The following TMEM192 variants were observed in gnomAD, a reference collection of about 807,000 sequenced individuals.
TMEM192 encodes the protein transmembrane protein 192.
TMEM192 carries 20 observed loss-of-function variants against 26.7 expected under a neutral mutation model. The ratio of observed to expected loss-of-function variants is 0.75; its 90% confidence interval spans 0.53 to 1.09. The LOEUF is 1.09. TMEM192 is among the 50% of genes least tolerant of loss of function. The pLI is 0.00. For missense variants in TMEM192, 304 were observed against 322.6 expected, an observed-to-expected ratio of 0.94 and a Z score of 0.44; for synonymous variants, 124 against 121.0, an observed-to-expected ratio of 1.02 and a Z score of -0.16.
At chr4:165,096,230 A>T (rs1037927937) in intron 3 of TMEM192, among the ~76,000 whole-genome samples, 5 of 151,934 alleles carry the variant, frequency 3.3e-5, no homozygotes, top group Admixed American at 3.3e-4. Flanking sequence ...CAACATGGTG[A>T]AGCCTCGTCT....
chr4:165,097,212 A>T (rs557622345), intron 3 of TMEM192, among the ~76,000 whole-genome samples: 19 of 152,242 alleles, frequency 1.2e-4, no homozygotes, highest in African/African-American at 4.6e-4. Flanking sequence ...ATGCACTAAC[A>T]GGCCGGGCGC....
chr4:165,089,447 G>C (rs62352203), intron 3 of TMEM192, among the ~76,000 whole-genome samples: 85 of 151,906 alleles, frequency 5.6e-4, no homozygotes, highest in Admixed American at 2.4e-3. Context: ...TCAGCCTCCC[G>C]AGTAGCTGGG....
Position 165,076,826 on chromosome 4 carries a change from G to A in TMEM192, c.*2832C>T, listed in dbSNP as rs1334762809. On this transcript the variant is annotated 3_prime_UTR_variant, in exon 6 of 6. Transcript: ENST00000306480. Reference sequence around the variant, plus strand: ...TGTTACTTCTTTTTTTTTTGAGATCGAGTCTAGCTCTGTTGCCCAAGCTGG... The same window carrying A: ...TGTTACTTCTTTTTTTTTTGAGATCAAGTCTAGCTCTGTTGCCCAAGCTGG... 4 of 151,296 alleles carry A rather than the reference G, an allele frequency of 2.6e-5. No individual in the cohort carries two copies. The highest frequency in any genetic ancestry group is 2.0e-4 in the Admixed American group (3 of 15,184). 9.4% of individuals were successfully genotyped at this position (151,296 alleles called of 1,614,324 possible).
intron 3 of TMEM192, among the ~76,000 whole-genome samples, chr4:165,090,213 GAAAAAAAA>G (rs35732863): frequency 0.035 from 1,805 of 52,172 alleles, 64 homozygotes; most frequent in African/African-American, 0.12. Context: ...CTCCGTCTTG[GAAAAAAAA>G]AAAAAAAAAA....
rs912749559 is a variant in TMEM192, at chr4:165,071,102, G to A, written c.*8556C>T. 5 of 151,966 alleles carry A rather than the reference G, an allele frequency of 3.3e-5. No homozygotes were observed. The highest frequency in any genetic ancestry group is 4.8e-5 in the African/African-American group (2 of 41,362). 9.4% of individuals were successfully genotyped at this position (151,966 alleles called of 1,614,324 possible). A position where few individuals can be genotyped will look rare whatever the true frequency, so the allele number is the denominator to read the frequency against. On this transcript the variant is annotated 3_prime_UTR_variant, in exon 6 of 6. Transcript: ENST00000306480. ...AGCCACAGATAGTACTAAACCCTAC[G>A]AACACTATATTTTTTCCTATCCACA... is the stretch of plus-strand genomic sequence containing the variant.
At position 165,078,722 on chromosome 4, in the gene TMEM192, G is replaced by C. The variant is rs764950690; in HGVS notation, c.*936C>G. ...GCTGCCAATATAATAGGCAACACAG[G>C]TTCGTCTAACACAGGTCGGTCTAAC... On this transcript the variant is annotated 3_prime_UTR_variant, in exon 6 of 6. Transcript: ENST00000306480. 2.0e-5 allele frequency: 3 copies of C among 152,198 alleles called. No individual in the cohort carries two copies. Among genetic ancestry groups the C allele is most frequent in the Non-Finnish European group, 4.4e-5 (3 of 68,032 alleles). The allele number at this position is 152,198 out of a possible 1,614,324, so 9.4% of individuals were successfully genotyped here.
chr4:165,079,474 C>T lies in TMEM192; in HGVS notation c.*184G>A, dbSNP rs1292232349. On this transcript the variant is annotated 3_prime_UTR_variant, in exon 6 of 6. Transcript: ENST00000306480. ...TATCCGGGCTTCTACAGGTACTTTT[C>T]AAGTGACCCACAAGCCCTATATTTT... 9.2e-6 allele frequency: 5 copies of T among 544,270 alleles called. No individual in the cohort carries two copies. Among genetic ancestry groups the T allele is most frequent in the Non-Finnish European group, 1.5e-5 (5 of 327,180 alleles). The allele number at this position is 544,270 out of a possible 1,614,324, so 33.7% of individuals were successfully genotyped here.
rs1472152358 is a variant in TMEM192 at position 165,079,581 on chromosome 4, G to A, written c.*77C>T. ...TATTCAGCAAAAGCTGCAGTTCCCC[G>A]TGGCAGCTTGTCAGGTGGTCAGTCA... On this transcript the variant is annotated 3_prime_UTR_variant, in exon 6 of 6. Transcript: ENST00000306480. The A allele has an allele frequency of 1.5e-5, 22 of 1,470,652 alleles. No individual in the cohort carries two copies. The highest frequency in any genetic ancestry group is 7.3e-5 in the East Asian group (3 of 41,230). The allele number at this position is 1,470,652 out of a possible 1,614,324, so 91.1% of individuals were successfully genotyped here.
chr4:165,075,620 A>AGTACAGGCTAGT lies in TMEM192; in HGVS notation c.*4037_*4038insACTAGCCTGTAC, dbSNP rs1734359757. Reference sequence around the variant, plus strand: ...GAGCCTGCTCTGTGGCCCAGGCTAGAGTACAGTGGCGTGATCTTGCCTCAC... The same window carrying AGTACAGGCTAGT: ...GAGCCTGCTCTGTGGCCCAGGCTAGAGTACAGGCTAGTGTACAGTGGCGTGATCTTGCCTCAC... On this transcript the variant is annotated 3_prime_UTR_variant, in exon 6 of 6. Transcript: ENST00000306480. The AGTACAGGCTAGT allele has an allele frequency of 6.8e-6, 1 of 146,654 alleles. No individual in the cohort carries two copies. 9.1% of individuals were successfully genotyped at this position (146,654 alleles called of 1,614,324 possible).
chr4:165,090,009 C>T (rs970749441), intron 3 of TMEM192, among the ~76,000 whole-genome samples: 9 of 151,770 alleles, frequency 5.9e-5, no homozygotes, highest in Non-Finnish European at 1.3e-4. Flanking sequence ...GTTGCGAGTT[C>T]GAGACCAGCC....
chr4:165,111,651 G>T (rs1735294789), intron 1 of TMEM192: 1 of 152,056 alleles, frequency 6.6e-6, no homozygotes, highest in African/African-American at 2.4e-5. Context: ...CTACTTACAG[G>T]TCTTACAGTT....
chr4:165,103,402 C>T (rs1578912602), intron 1 of TMEM192, among the ~76,000 whole-genome samples: 2 of 150,956 alleles, frequency 1.3e-5, no homozygotes, highest in East Asian at 1.9e-4. Context: ...TGGAGTGCAG[C>T]GGCGCAATCT....
intron 3 of TMEM192, among the ~76,000 whole-genome samples, chr4:165,100,165 T>TTC (rs1400286800): frequency 4.7e-5 from 7 of 149,346 alleles, no homozygotes; most frequent in Admixed American, 4.0e-4. Context: ...AAAAGTTCTT[T>TTC]TTTTTTTTTT....
rs554817097 is a variant in TMEM192, at chr4:165,072,660, TG to T, written c.*6997del. 6.6e-6 allele frequency: 1 copy of T among 152,322 alleles called. No homozygotes were observed. The highest frequency in any genetic ancestry group is 1.5e-5 in the Non-Finnish European group (1 of 68,130). The allele number at this position is 152,322 out of a possible 1,614,324, so 9.4% of individuals were successfully genotyped here. On this transcript the variant is annotated 3_prime_UTR_variant, in exon 6 of 6. Coordinates refer to ENST00000306480, the MANE Select transcript of TMEM192 (RefSeq NM_001100389.2). ...AGCATTGGGGGTGCCAAGAATTGGT[TG>T]GACTCTGGGTATGTTTTAAAGGAAA...
intron 3 of TMEM192, among the ~76,000 whole-genome samples, chr4:165,094,492 T>C (rs1259638168): frequency 6.6e-6 from 1 of 151,996 alleles, no homozygotes; most frequent in Non-Finnish European, 1.5e-5. Flanking sequence ...ACCCCATCTC[T>C]ACTAAAAAAA....
chr4:165,093,346 C>T (rs895838367), intron 3 of TMEM192, among the ~76,000 whole-genome samples: 3 of 151,974 alleles, frequency 2.0e-5, no homozygotes, highest in African/African-American at 7.2e-5. Flanking sequence ...TCACCCGCCT[C>T]GGCCTCCCAA....
chr4:165,093,089 T>A (rs1301589829), intron 3 of TMEM192, among the ~76,000 whole-genome samples: 1 of 121,562 alleles, frequency 8.2e-6, no homozygotes. Context: ...TTATGGTTTT[T>A]TTTTCTTCTT....
Position 165,100,924 on chromosome 4 carries a change from T to A in TMEM192, c.175-32A>T, listed in dbSNP as rs910910663. On this transcript the variant is annotated intron_variant, in intron 2 of 5. Coordinates refer to ENST00000306480, the MANE Select transcript of TMEM192 (RefSeq NM_001100389.2). ...GAAAGGAGAGCAGAAAGATTAATAT[T>A]CAATATTTGTAATTAGGAAGCAATA... 2.6e-6 allele frequency: 4 copies of A among 1,555,218 alleles called. No individual in the cohort carries two copies. In the African/African-American group the frequency reaches 5.6e-5, roughly 22 times the overall value.
rs545396488 is a variant in TMEM192 at position 165,098,196 on chromosome 4, C to T, written c.439+2432G>A. ...CTGCAGTGCAATGGTATGATTGCAG[C>T]TCACTGCAACCTCTGCCTCCCGGAT... On this transcript the variant is annotated intron_variant, in intron 3 of 5. Coordinates refer to ENST00000306480, the MANE Select transcript of TMEM192 (RefSeq NM_001100389.2). 8.6e-5 allele frequency among the ~76,000 whole-genome samples: 13 copies of T among 151,966 alleles called. No individual in the cohort carries two copies. The South Asian group carries it at 2.5e-3, about 29-fold the overall frequency.
Sources: gnomAD v4.1 joint callset for allele counts (sites outside exome capture counted in the v4.1 genomes callset) on GRCh38, gnomAD v4.1.1 for gene constraint, MANE v1.5 for transcripts, NCBI Gene and HGNC (gene_info 2026-07-23, HGNC 2026-07-21) for gene names.